DDAH1: variants seen among roughly 807,000 people sequenced by gnomAD.
DDAH1 encodes dimethylarginine dimethylaminohydrolase 1, also known as N(G),N(G)-dimethylarginine dimethylaminohydrolase 1.
Under a neutral mutation model 28.8 loss-of-function variants are expected in DDAH1, and 19 were observed. The observed-to-expected ratio is 0.66, with a 90% CI of 0.46 to 0.97. The LOEUF (loss-of-function observed/expected upper bound fraction) is 0.97. Ranked by LOEUF, DDAH1 falls within the 50% of genes least tolerant of loss-of-function variation. DDAH1 has a pLI of 0.00. For missense variants in DDAH1, 326 were observed against 375.9 expected (o/e 0.87, Z 1.10); for synonymous variants, 153 against 154.4 (o/e 0.99, Z 0.07).
At chr1:85,397,507 T>C (rs77369112) in intron 1 of DDAH1, among the ~76,000 whole-genome samples, 2 of 152,340 alleles carry the variant, frequency 1.3e-5, no homozygotes, top group East Asian at 3.9e-4. Flanking sequence ...CTGGTTCTCT[T>C]AATGTTTTAT....
intron 2 of DDAH1, among the ~76,000 whole-genome samples, chr1:85,353,016 A>G (rs1378608098): frequency 6.6e-6 from 1 of 152,070 alleles, no homozygotes; most frequent in Non-Finnish European, 1.5e-5. Context: ...TTCAGGTCTG[A>G]CCTCTAAAAG....
chr1:85,460,165 T>C (rs1306066007), intron 1 of DDAH1, among the ~76,000 whole-genome samples: 2 of 152,222 alleles, frequency 1.3e-5, no homozygotes, highest in Non-Finnish European at 2.9e-5. Flanking sequence ...TTGTTAGCTA[T>C]AGCTATTAGA....
chr1:85,478,669 AC>A (rs546783618), intron 2 of DDAH1, among the ~76,000 whole-genome samples: 1 of 152,220 alleles, frequency 6.6e-6, no homozygotes, highest in Non-Finnish European at 1.5e-5. Context: ...TGGGGACACA[AC>A]CAAACCATAT....
At chr1:85,437,472 A>G (rs1253930037) in intron 1 of DDAH1, among the ~76,000 whole-genome samples, 3 of 152,134 alleles carry the variant, frequency 2.0e-5, no homozygotes, top group Non-Finnish European at 4.4e-5. Context: ...ATCTGAAGAC[A>G]TGGATAAGAT....
chr1:85,457,615 T>G (rs1454299219), intron 1 of DDAH1, among the ~76,000 whole-genome samples: 1 of 152,222 alleles, frequency 6.6e-6, no homozygotes, highest in Non-Finnish European at 1.5e-5. Context: ...TTTCACGCAA[T>G]CATGGCACTC....
At chr1:85,497,245 A>C (rs1656630224) in intron 1 of DDAH1, among the ~76,000 whole-genome samples, 1 of 152,220 alleles carries the variant, frequency 6.6e-6, no homozygotes, top group Non-Finnish European at 1.5e-5. Flanking sequence ...TCATGAGGTA[A>C]AGAAACAGCC....
intron 1 of DDAH1, among the ~76,000 whole-genome samples, chr1:85,537,957 T>C (rs1322742430): frequency 3.3e-5 from 5 of 152,112 alleles, no homozygotes; most frequent in Non-Finnish European, 5.9e-5. Flanking sequence ...AATTCTGCTT[T>C]TACACTTAAA....
At chr1:85,411,532 TG>T (rs1652656333) in intron 1 of DDAH1, among the ~76,000 whole-genome samples, 1 of 152,186 alleles carries the variant, frequency 6.6e-6, no homozygotes, top group African/African-American at 2.4e-5. Flanking sequence ...TGAGCTCATC[TG>T]GGGGCAGGGA....
Position 85,484,675 on chromosome 1 carries a change from T to C in DDAH1, c.-7+11491A>G, listed in dbSNP as rs954733238. On this transcript the variant is annotated intron_variant, in intron 2 of 6. Transcript: ENST00000426972. Reference sequence around the variant, plus strand: ...GTTCTACAAACAGTGCAATTGATAATGCATGTCAATTTAATGATGTAAACT... The same window carrying C: ...GTTCTACAAACAGTGCAATTGATAACGCATGTCAATTTAATGATGTAAACT... 2.0e-5 allele frequency among the ~76,000 whole-genome samples: 3 copies of C among 152,326 alleles called. 1 individual carries two copies. Among genetic ancestry groups the C allele is most frequent in the Admixed American group, 1.3e-4 (2 of 15,302 alleles).
intron 1 of DDAH1, among the ~76,000 whole-genome samples, chr1:85,525,312 A>G (rs1205695033): frequency 6.6e-6 from 1 of 152,104 alleles, no homozygotes; most frequent in Non-Finnish European, 1.5e-5. Context: ...CAGCATATGT[A>G]TCTACATATT....
Position 85,504,126 on chromosome 1 carries a change from C to G in DDAH1, c.-122-7845G>C, listed in dbSNP as rs1306256956. 3.3e-5 allele frequency among the ~76,000 whole-genome samples: 5 copies of G among 152,268 alleles called. No individual in the cohort carries two copies. In the East Asian group the frequency reaches 7.7e-4, roughly 23 times the overall value. On this transcript the variant is annotated intron_variant, in intron 1 of 6. Transcript: ENST00000426972. ...GTAGGGAAGCAAGAGCATAAGACCT[C>G]AAGACTCCAAGACCCATTAGGAGCT...
upstream of DDAH1, among the ~76,000 whole-genome samples, chr1:85,466,954 C>T (rs894353359): frequency 1.4e-5 from 2 of 147,424 alleles, no homozygotes; most frequent in Admixed American, 7.1e-5. Flanking sequence ...TCTCCTGCCT[C>T]GGCCTCCCGA....
At chr1:85,354,905 AAAAG>A (rs1649412902) in intron 2 of DDAH1, among the ~76,000 whole-genome samples, 1 of 152,072 alleles carries the variant, frequency 6.6e-6, no homozygotes, top group South Asian at 2.1e-4. Flanking sequence ...GAACAGAGTA[AAAAG>A]AAAGAAATGT....
Position 85,373,859 on chromosome 1 carries a change from A to G in DDAH1, c.304-15012T>C, listed in dbSNP as rs144086316. Among the ~76,000 whole-genome samples, 738 of 152,238 alleles carry G rather than the reference A, an allele frequency of 4.8e-3. 2 individuals are homozygous for G. The highest frequency in any genetic ancestry group is 0.017 in the African/African-American group (708 of 41,538). On this transcript the variant is annotated intron_variant, in intron 1 of 5. Coordinates refer to ENST00000284031, the MANE Select transcript of DDAH1 (RefSeq NM_012137.4). ...TATTTTTTTTTAAGTATGCCTGTTA[A>G]GTATACCTCTTAAGACTTAAAGGAA...
intron 2 of DDAH1, among the ~76,000 whole-genome samples, chr1:85,488,086 G>A (rs2100724714): frequency 6.6e-6 from 1 of 152,190 alleles, no homozygotes; most frequent in East Asian, 1.9e-4. Flanking sequence ...TCAGGAGGCT[G>A]AGGCAGGCAA....
At chr1:85,362,046 T>C (rs1395100667) in intron 1 of DDAH1, among the ~76,000 whole-genome samples, 1 of 152,228 alleles carries the variant, frequency 6.6e-6, no homozygotes, top group Non-Finnish European at 1.5e-5. Context: ...TTTTTTCTTA[T>C]ATTTGGACAT....
chr1:85,375,598 T>C (rs1187992439), intron 1 of DDAH1, among the ~76,000 whole-genome samples: 1 of 152,136 alleles, frequency 6.6e-6, no homozygotes, highest in Non-Finnish European at 1.5e-5. Flanking sequence ...TACTAGACGG[T>C]GTTGATCACA....
chr1:85,395,976 G>A (rs987701282), intron 1 of DDAH1, among the ~76,000 whole-genome samples: 6 of 152,062 alleles, frequency 3.9e-5, no homozygotes, highest in Non-Finnish European at 8.8e-5. Flanking sequence ...TAATTTCTGT[G>A]CTTCATGTTT....
Position 85,321,432 on chromosome 1 carries a change from A to G in DDAH1, c.*20T>C. 1 of 1,558,308 alleles carries G rather than the reference A, an allele frequency of 6.4e-7. No individual in the cohort carries two copies. The highest frequency in any genetic ancestry group is 8.9e-7 in the Non-Finnish European group (1 of 1,129,488). On this transcript the variant is annotated 3_prime_UTR_variant, in exon 6 of 6. Transcript: ENST00000284031. ...CCTTGCCTGTGCGGTCTTGCCGGCT[A>G]CCGGGGGGGACTCTGCAGCTCAGGA...
Sources: allele counts gnomAD v4.1 joint callset (sites outside exome capture counted in the v4.1 genomes callset), GRCh38; gene constraint gnomAD v4.1.1; transcripts MANE v1.5; gene names NCBI Gene and HGNC (gene_info 2026-07-23, HGNC 2026-07-21).